KIF16B: variants seen among roughly 807,000 people sequenced by gnomAD.
KIF16B encodes the protein kinesin-like protein KIF16B.
Under a neutral mutation model 156.3 loss-of-function variants are expected in KIF16B, and 98 were observed. That is an observed-to-expected ratio of 0.63 (90% CI 0.53 to 0.74). The LOEUF is 0.74. Among genes scored for constraint, KIF16B ranks in the 30% least tolerant of loss-of-function variants. The pLI is 0.00. For synonymous variants in KIF16B, 564 were observed against 583.7 expected (o/e 0.97, Z 0.49); for missense variants, 1,421 against 1,606.5 (o/e 0.88, Z 1.97).
At chr20:16,519,192 A>G (rs1246063346) in intron 3 of KIF16B, among the ~76,000 whole-genome samples, 1 of 152,178 alleles carries the variant, frequency 6.6e-6, no homozygotes, top group African/African-American at 2.4e-5. Context: ...AACCAACATC[A>G]GTTTATCTTT....
At chr20:16,375,469 T>C (rs2064924894) in intron 19 of KIF16B, among the ~76,000 whole-genome samples, 1 of 152,142 alleles carries the variant, frequency 6.6e-6, no homozygotes. Context: ...CACAGGGTCA[T>C]GAGGGTAAGC....
intron 12 of KIF16B, among the ~76,000 whole-genome samples, chr20:16,459,227 G>A (rs2067285063): frequency 6.6e-6 from 1 of 152,200 alleles, no homozygotes; most frequent in Middle Eastern, 3.4e-3. Flanking sequence ...AATATAGAGA[G>A]GCATGAAATG....
intron 12 of KIF16B, among the ~76,000 whole-genome samples, chr20:16,482,068 G>A (rs1398666976): frequency 1.3e-5 from 2 of 152,132 alleles, no homozygotes; most frequent in Admixed American, 6.6e-5. Context: ...TGTAAAGTAC[G>A]AGATAAGATG....
In KIF16B at chr20:16,408,352, T is replaced by G. The variant is rs372100128; in HGVS notation, c.1613-1896A>C. On this transcript the variant is annotated intron_variant, in intron 15 of 25. Transcript: ENST00000354981. ...TTTGCTTATCCCTGTCATGCAGAAT[T>G]GCATTTGTATTTTTTCCAATTATGG... Among the ~76,000 whole-genome samples, 7 of 152,258 alleles carry G rather than the reference T, an allele frequency of 4.6e-5. No individual in the cohort carries two copies. In the East Asian group the frequency reaches 1.2e-3, roughly 25 times the overall value.
intron 15 of KIF16B, among the ~76,000 whole-genome samples, chr20:16,408,690 T>C (rs899166156): frequency 6.6e-5 from 10 of 152,152 alleles, no homozygotes; most frequent in African/African-American, 2.4e-4. Flanking sequence ...GCCACCCATG[T>C]TATCTGCATG....
intron 24 of KIF16B, among the ~76,000 whole-genome samples, chr20:16,315,653 AGCAGTGGAGAACAGCAGG>A (rs1161584997): frequency 2.0e-5 from 3 of 152,208 alleles, no homozygotes; most frequent in African/African-American, 7.2e-5. Flanking sequence ...GGGTCAGCAG[AGCAGTGGAGAACAGCAGG>A]AAGCAGGATG....
intron 23 of KIF16B, among the ~76,000 whole-genome samples, chr20:16,336,811 G>A (rs2064047034): frequency 6.6e-6 from 1 of 152,148 alleles, no homozygotes; most frequent in African/African-American, 2.4e-5. Context: ...ATTCAAGCAA[G>A]TGCTAAGTCT....
At position 16,512,879 on chromosome 20, in the gene KIF16B, A is replaced by T; in HGVS notation, c.393T>A (p.Ser131Arg). 6.2e-7 allele frequency: 1 copy of T among 1,614,050 alleles called. No individual in the cohort carries two copies. Among genetic ancestry groups the T allele is most frequent in the Non-Finnish European group, 8.5e-7 (1 of 1,179,908 alleles). The part of the protein sequence containing the change: ...LIPRICEGLF[S>R]RINETTRWDE... ...CCCATCTGGTGGTTTCATTTATCCG[A>T]CTGAAGAGTCCTTCACAGATCCGAG... The change falls in exon 5 of 26, where the codon AGT becomes AGA. Residue 131 changes from serine (S) to arginine (R), a missense_variant. Ser to Arg is a moderately radical substitution (Grantham distance 110). Coordinates refer to ENST00000354981, the MANE Select transcript of KIF16B (RefSeq NM_024704.5).
At chr20:16,490,062 T>A (rs963378802) in intron 12 of KIF16B, among the ~76,000 whole-genome samples, 4 of 152,148 alleles carry the variant, frequency 2.6e-5, no homozygotes, top group Non-Finnish European at 5.9e-5. Flanking sequence ...CACTAGGTCA[T>A]CAGATTTGTA....
chr20:16,483,501 C>G (rs1404088341), intron 12 of KIF16B, among the ~76,000 whole-genome samples: 1 of 152,026 alleles, frequency 6.6e-6, no homozygotes, highest in African/African-American at 2.4e-5. Flanking sequence ...TACTGGTAAC[C>G]CAGTTTTACA....
chr20:16,527,955 G>A lies in KIF16B; in HGVS notation c.117+416C>T, dbSNP rs2147152096. Among the ~76,000 whole-genome samples the A allele has an allele frequency of 2.0e-5, 3 of 151,818 alleles. No individual in the cohort carries two copies. The South Asian group carries it at 6.2e-4, about 32-fold the overall frequency. On this transcript the variant is annotated intron_variant, in intron 2 of 25. Coordinates refer to ENST00000354981, the MANE Select transcript of KIF16B (RefSeq NM_024704.5). ...TTTCCTCCCTGAGTTTTGAATAATA[G>A]TATCAGTTCTTCTTCAAGGATTACC...
intron 11 of KIF16B, among the ~76,000 whole-genome samples, chr20:16,495,027 C>A (rs1162610887): frequency 6.6e-6 from 1 of 151,954 alleles, no homozygotes; most frequent in African/African-American, 2.4e-5. Flanking sequence ...TTTGTTAGTT[C>A]CCTAAAACTT....
chr20:16,521,098 G>C (rs1600613360), intron 3 of KIF16B, among the ~76,000 whole-genome samples: 1 of 149,854 alleles, frequency 6.7e-6, no homozygotes, highest in Non-Finnish European at 1.5e-5. Context: ...CCAAAAACCA[G>C]AACGACTCCT....
chr20:16,376,827 T>G (rs1440092241), intron 19 of KIF16B, among the ~76,000 whole-genome samples: 1 of 152,208 alleles, frequency 6.6e-6, no homozygotes, highest in Non-Finnish European at 1.5e-5. Context: ...GAGTGTGCCC[T>G]CCACTACTTT....
chr20:16,334,340 C>A (rs536763814), intron 24 of KIF16B, among the ~76,000 whole-genome samples: 20 of 152,340 alleles, frequency 1.3e-4, no homozygotes, highest in African/African-American at 4.6e-4. Context: ...CTGTACATTT[C>A]ATATGTACAC....
Position 16,371,693 on chromosome 20 carries a change from C to T in KIF16B, c.3419G>A (p.Gly1140Asp), listed in dbSNP as rs547335822. 3.7e-6 allele frequency: 6 copies of T among 1,613,568 alleles called. No individual in the cohort carries two copies. Among genetic ancestry groups the T allele is most frequent in the Non-Finnish European group, 5.1e-6 (6 of 1,179,676 alleles). ...LQDLHRVISE[G>D]CSTSADTMKD... is the part of the protein sequence containing the mutation. ...CATCGTGTCTGCAGATGTACTGCAG[C>T]CTTCACTAATCACACGATGCAAATC... The change falls in exon 21 of 26, where the codon GGC becomes GAC. Residue 1140 changes from glycine (G) to aspartate (D), a missense_variant. Coordinates refer to ENST00000354981, the MANE Select transcript of KIF16B (RefSeq NM_024704.5).
chr20:16,277,865 G>A (rs866185061), intron 25 of KIF16B, among the ~76,000 whole-genome samples: 1 of 152,166 alleles, frequency 6.6e-6, no homozygotes, highest in Non-Finnish European at 1.5e-5. Context: ...AAAAGCAGGC[G>A]TATTTAAATC....
At chr20:16,522,041 C>T (rs1036784382) in intron 3 of KIF16B, among the ~76,000 whole-genome samples, 6 of 152,150 alleles carry the variant, frequency 3.9e-5, no homozygotes, top group African/African-American at 1.4e-4. Flanking sequence ...TGGAAAGGAA[C>T]AACTGGTACC....
At chr20:16,358,193 GA>G (rs1007761256) in intron 22 of KIF16B, among the ~76,000 whole-genome samples, 9 of 149,710 alleles carry the variant, frequency 6.0e-5, no homozygotes, top group East Asian at 2.0e-4. Context: ...CATCTCAAAG[GA>G]AAAAAAAAAT....
Sources: gnomAD v4.1 joint callset for allele counts (sites outside exome capture counted in the v4.1 genomes callset) on GRCh38, gnomAD v4.1.1 for gene constraint, MANE v1.5 for transcripts, NCBI Gene and HGNC (gene_info 2026-07-23, HGNC 2026-07-21) for gene names.